MIEF1: variants seen among roughly 807,000 people sequenced by gnomAD.
MIEF1 encodes the protein mitochondrial dynamics protein MIEF1.
In MIEF1, 14 loss-of-function variants were observed where a neutral mutation model predicts 35.1. The ratio of observed to expected loss-of-function variants is 0.40; its 90% CI spans 0.26 to 0.62. MIEF1 has a LOEUF of 0.62. Among genes scored for constraint, MIEF1 ranks in the 20% least tolerant of loss-of-function variants. The pLI is 0.43. For synonymous variants in MIEF1, 245 were observed against 254.3 expected, an observed-to-expected ratio of 0.96 and a Z score of 0.35; for missense variants, 542 against 615.4, an observed-to-expected ratio of 0.88 and a Z score of 1.26.
chr22:39,508,862 T>C (rs955103467), intron 2 of MIEF1, among the ~76,000 whole-genome samples: 2 of 152,178 alleles, frequency 1.3e-5, no homozygotes, highest in Non-Finnish European at 2.9e-5. Context: ...ATTACTGGAA[T>C]AATAGAGTCA....
At chr22:39,505,539 A>G (rs1049619396) in intron 2 of MIEF1, among the ~76,000 whole-genome samples, 2 of 152,166 alleles carry the variant, frequency 1.3e-5, no homozygotes, top group African/African-American at 2.4e-5. Flanking sequence ...TGTGGCCAGC[A>G]TGGTACCCCT....
chr22:39,511,925 C>A lies in MIEF1; in HGVS notation c.221C>A (p.Pro74His). The change falls in exon 4 of 6, where the codon CCC (proline) becomes CAC (histidine). Residue 74 changes from proline to histidine, a missense_variant. Physicochemically the swap from Pro to His is moderately conservative, Grantham distance 77. Coordinates refer to ENST00000325301, the MANE Select transcript of MIEF1 (RefSeq NM_019008.6). ...TCGGGGAAAAGGAGCTGGGAAGAAC[C>A]CAACTGGATGGGCTCCCCACGACTG... ...SHSGKRSWEE[P>H]NWMGSPRLLN... 1 of 1,614,222 alleles carries A rather than the reference C, an allele frequency of 6.2e-7. No individual in the cohort carries two copies. The highest frequency in any genetic ancestry group is 1.1e-5 in the South Asian group (1 of 91,082).
chr22:39,511,062 G>A (rs1930305448), intron 2 of MIEF1, among the ~76,000 whole-genome samples: 1 of 152,212 alleles, frequency 6.6e-6, no homozygotes, highest in African/African-American at 2.4e-5. Flanking sequence ...CTAGCTTGGG[G>A]AAAGTTTTCC....
intron 2 of MIEF1, chr22:39,504,738 A>T (rs1929930370): frequency 4.4e-6 from 1 of 228,516 alleles, no homozygotes; most frequent in Middle Eastern, 1.3e-3. Context: ...GTATGATTGC[A>T]CCACTGCACT....
chr22:39,512,571 A>G (rs1569019367), intron 5 of MIEF1, 77 bp downstream of exon 5: 20 of 1,514,434 alleles, frequency 1.3e-5, no homozygotes, highest in Non-Finnish European at 1.6e-5. Context: ...TCAGTGTCCC[A>G]GGCTTGCCAG....
intron 2 of MIEF1, among the ~76,000 whole-genome samples, chr22:39,506,347 A>G (rs1174545892): frequency 6.6e-6 from 1 of 152,114 alleles, no homozygotes; most frequent in Non-Finnish European, 1.5e-5. Flanking sequence ...TGGAGCAAGT[A>G]CCTAGGACCC....
chr22:39,517,609 T>A lies in MIEF1; in HGVS notation c.*3286T>A, dbSNP rs968034673. On this transcript the variant is annotated 3_prime_UTR_variant, in exon 6 of 6. Transcript: ENST00000325301. ...GAGTGTCCAGAGCTCTCTGCCATGA[T>A]ACTTCCTTGGGACTGACTTGGCTGA... 2.1e-6 allele frequency: 1 copy of A among 471,076 alleles called. No homozygotes were observed. Among genetic ancestry groups the A allele is most frequent in the Non-Finnish European group, 4.4e-6 (1 of 227,064 alleles). The allele number at this position is 471,076 out of a possible 1,614,324, so 29.2% of individuals were successfully genotyped here. A position where few individuals can be genotyped will look rare whatever the true frequency, so the allele number is the denominator to read the frequency against.
At chr22:39,503,889 T>G (rs941191187) in intron 1 of MIEF1, 3 of 193,618 alleles carry the variant, frequency 1.5e-5, no homozygotes, top group African/African-American at 7.0e-5. Flanking sequence ...TAGGTACTAT[T>G]GCCATAATAT....
rs1201077483 is a variant in MIEF1, at chr22:39,515,881, A to C, written c.*1558A>C. ...CTCTGCAGCTGTCTCATTCCTTCCCAACGATAGTAACAGGAAATGACTCTT... is the reference window on the plus strand; with the variant it reads ...CTCTGCAGCTGTCTCATTCCTTCCCCACGATAGTAACAGGAAATGACTCTT... On this transcript the variant is annotated 3_prime_UTR_variant, in exon 6 of 6. Transcript: ENST00000325301. 6.5e-6 allele frequency: 1 copy of C among 154,794 alleles called. No homozygotes were observed. The highest frequency in any genetic ancestry group is 1.4e-5 in the Non-Finnish European group (1 of 69,380). 9.6% of individuals were successfully genotyped at this position (154,794 alleles called of 1,614,324 possible). A position where few individuals can be genotyped will look rare whatever the true frequency, so the allele number is the denominator to read the frequency against.
rs932820683 is a variant in MIEF1, at chr22:39,511,447, A to G, written c.144+9A>G. 1 of 1,553,974 alleles carries G rather than the reference A, an allele frequency of 6.4e-7. No homozygotes were observed. Among genetic ancestry groups the G allele is most frequent in the Non-Finnish European group, 8.7e-7 (1 of 1,145,836 alleles). On this transcript the variant is annotated intron_variant, in intron 3 of 5. Coordinates refer to ENST00000325301, the MANE Select transcript of MIEF1 (RefSeq NM_019008.6). ...CGCTGGCAGTTAAGCGGGTAAGTGCATGCAGCCAGGGCTGGGGGTGGAATG... is the reference window on the plus strand; with the variant it reads ...CGCTGGCAGTTAAGCGGGTAAGTGCGTGCAGCCAGGGCTGGGGGTGGAATG...
At chr22:39,505,565 A>C (rs556370325) in intron 2 of MIEF1, among the ~76,000 whole-genome samples, 64 of 152,186 alleles carry the variant, frequency 4.2e-4, no homozygotes, top group Non-Finnish European at 8.1e-4. Flanking sequence ...GCAAATAGCC[A>C]GAGTTGAGGC....
At chr22:39,511,706 TG>T in intron 3 of MIEF1, 142 bp from the exon 4 acceptor site, 1 of 1,207,780 alleles carries the variant, frequency 8.3e-7, no homozygotes, top group Non-Finnish European at 1.1e-6. Flanking sequence ...ATTTTCTGCG[TG>T]GAGCAAAGTA....
Position 39,512,453 on chromosome 22 carries a change from C to T in MIEF1, c.544C>T (p.Arg182Trp), listed in dbSNP as rs771698108. The T allele has an allele frequency of 1.1e-5, 18 of 1,613,836 alleles. No individual in the cohort carries two copies. The highest frequency in any genetic ancestry group is 8.3e-5 in the Admixed American group (5 of 59,994). ...GGCCAAGTTGCCTGACATGCCGCTT[C>T]GGGACATGTACTTGAGTGGCAGCCT... ...LRAKLPDMPL[R>W]DMYLSGSLYD... The change falls in exon 5 of 6, where the codon CGG becomes TGG. Residue 182 changes from arginine (R) to tryptophan (W), a missense_variant. Coordinates refer to ENST00000325301, the MANE Select transcript of MIEF1 (RefSeq NM_019008.6).
At chr22:39,506,083 G>A (rs947220221) in intron 2 of MIEF1, among the ~76,000 whole-genome samples, 4 of 152,222 alleles carry the variant, frequency 2.6e-5, no homozygotes, top group African/African-American at 9.7e-5. Context: ...GGATCTAGGA[G>A]GGAATTAGGG....
At chr22:39,503,270 C>G (rs568651403) in intron 1 of MIEF1, 9 of 152,260 alleles carry the variant, frequency 5.9e-5, no homozygotes, top group African/African-American at 2.2e-4. Context: ...ATTGTTTCCT[C>G]CACTTAAAAT....
At chr22:39,506,295 A>T (rs886084490) in intron 2 of MIEF1, among the ~76,000 whole-genome samples, 2 of 152,168 alleles carry the variant, frequency 1.3e-5, no homozygotes, top group African/African-American at 4.8e-5. Flanking sequence ...CCCCAGAAGC[A>T]TATGGTCTGG....
chr22:39,502,550 C>T (rs1318985810), intron 1 of MIEF1, 113 bp downstream of exon 1: 1 of 152,252 alleles, frequency 6.6e-6, no homozygotes, highest in African/African-American at 2.4e-5. Context: ...AGGATACCAG[C>T]ATGCAGCCGG....
rs753555710 is a variant in MIEF1 at position 39,513,916 on chromosome 22, C to T, written c.985C>T (p.Arg329Trp). The change falls in exon 6 of 6, where the codon CGG (arginine) becomes TGG (tryptophan). Residue 329 changes from arginine (R) to tryptophan (W), a missense_variant. By Grantham distance (101) the Arg-to-Trp change is moderately radical. Transcript: ENST00000325301. ...GDTVLVAKPHRLAQYDNLWRL... is the reference protein window; with the variant it reads ...GDTVLVAKPHWLAQYDNLWRL... The stretch of plus-strand genomic sequence containing the variant: ...CACAGTCTTGGTGGCCAAACCACAC[C>T]GGCTAGCCCAGTATGACAACCTGTG... The T allele has an allele frequency of 3.2e-5, 51 of 1,613,842 alleles. No individual in the cohort carries two copies. Among genetic ancestry groups the T allele is most frequent in the Non-Finnish European group, 4.1e-5 (48 of 1,180,044 alleles).
At chr22:39,512,686 G>A (rs1405286622) in intron 5 of MIEF1, among the ~76,000 whole-genome samples, 192 bp downstream of exon 5, 1 of 151,756 alleles carries the variant, frequency 6.6e-6, no homozygotes, top group Non-Finnish European at 1.5e-5. Context: ...TCACTCTGTC[G>A]CCCAGGCTGG....
Sources: allele counts gnomAD v4.1 joint callset (sites outside exome capture counted in the v4.1 genomes callset), GRCh38; gene constraint gnomAD v4.1.1; transcripts MANE v1.5; gene names NCBI Gene and HGNC (gene_info 2026-07-23, HGNC 2026-07-21).